GPR39: variants seen among roughly 807,000 people sequenced by gnomAD.
The protein encoded by GPR39 is G protein-coupled receptor 39.
Under a neutral mutation model 18.4 loss-of-function variants are expected in GPR39, and 23 were observed. That is an observed-to-expected ratio of 1.25 (90% CI 0.90 to 1.77). The LOEUF (loss-of-function observed/expected upper bound fraction) is 1.77, where lower values mean the gene tolerates loss of function less well. Ranked by LOEUF, GPR39 falls within the 40% of genes most tolerant of loss-of-function variation. The probability of loss-of-function intolerance (pLI) is 0.00; values close to 1 mark genes in which losing one functional copy is unlikely to be tolerated. For synonymous variants in GPR39, 280 were observed against 257.9 expected (o/e 1.09, Z -0.82); for missense variants, 647 against 602.4 (o/e 1.07, Z -0.78).
intron 1 of GPR39, among the ~76,000 whole-genome samples, chr2:132,619,859 A>T: frequency 1.1e-5 from 1 of 91,852 alleles, no homozygotes; most frequent in South Asian, 2.7e-4. Context: ...ACACACACAG[A>T]CACACACACA....
chr2:132,616,241 G>A (rs2104855002), intron 1 of GPR39, among the ~76,000 whole-genome samples: 1 of 152,282 alleles, frequency 6.6e-6, no homozygotes, highest in South Asian at 2.1e-4. Flanking sequence ...TTGCAGATGA[G>A]CAAACCTGGG....
At chr2:132,502,808 A>G (rs1679071540) in intron 1 of GPR39, among the ~76,000 whole-genome samples, 1 of 152,194 alleles carries the variant, frequency 6.6e-6, no homozygotes, top group African/African-American at 2.4e-5. Flanking sequence ...TTAATTCAAA[A>G]GCCTTGTCTT....
intron 1 of GPR39, among the ~76,000 whole-genome samples, chr2:132,548,261 G>A (rs1394611907): frequency 1.3e-5 from 2 of 152,136 alleles, no homozygotes; most frequent in African/African-American, 2.4e-5. Context: ...TCACAGCATT[G>A]TTTTTAGTTT....
chr2:132,539,483 A>G (rs903853564), intron 1 of GPR39, among the ~76,000 whole-genome samples: 9 of 152,164 alleles, frequency 5.9e-5, no homozygotes, highest in African/African-American at 1.9e-4. Context: ...AGAGCTGCTT[A>G]GCTGTTTCTA....
intron 1 of GPR39, among the ~76,000 whole-genome samples, chr2:132,626,929 A>T (rs1043037856): frequency 1.3e-5 from 2 of 152,188 alleles, no homozygotes; most frequent in African/African-American, 4.8e-5. Context: ...GGCTCAAACA[A>T]TATTAGAAAT....
chr2:132,528,902 T>C (rs6722223), intron 1 of GPR39, among the ~76,000 whole-genome samples: 66,685 of 151,976 alleles, frequency 0.44, 14,996 homozygotes, highest in East Asian at 0.75. Context: ...CCAAGATGAC[T>C]GAATAGGAAC....
At chr2:132,569,412 TG>T (rs1201182748) in intron 1 of GPR39, among the ~76,000 whole-genome samples, 2 of 152,096 alleles carry the variant, frequency 1.3e-5, no homozygotes, top group Non-Finnish European at 2.9e-5. Context: ...GATGGATGCG[TG>T]GAGCCCACAA....
chr2:132,467,087 T>C (rs1680940700), intron 1 of GPR39, among the ~76,000 whole-genome samples: 1 of 152,162 alleles, frequency 6.6e-6, no homozygotes, highest in African/African-American at 2.4e-5. Flanking sequence ...CAACAGCCAA[T>C]ATTATAAGAA....
intron 1 of GPR39, among the ~76,000 whole-genome samples, chr2:132,580,771 G>A (rs1055963821): frequency 6.6e-6 from 1 of 152,054 alleles, no homozygotes; most frequent in African/African-American, 2.4e-5. Context: ...AGAGCAGCCT[G>A]GTCAACTTGG....
At chr2:132,492,467 CAT>C (rs998488460) in intron 1 of GPR39, among the ~76,000 whole-genome samples, 34 of 130,488 alleles carry the variant, frequency 2.6e-4, no homozygotes, top group African/African-American at 9.7e-4. Context: ...CCATATATAC[CAT>C]ATATATACAC....
intron 1 of GPR39, among the ~76,000 whole-genome samples, chr2:132,438,453 C>A (rs534026890): frequency 1.3e-5 from 2 of 152,178 alleles, no homozygotes; most frequent in South Asian, 2.1e-4. Context: ...GTTTGACATG[C>A]CCTGCTGGCT....
chr2:132,429,915 A>C (rs897101272), intron 1 of GPR39, among the ~76,000 whole-genome samples: 2 of 152,260 alleles, frequency 1.3e-5, no homozygotes, highest in Admixed American at 1.3e-4. Flanking sequence ...AGAAGGTAGC[A>C]GTGATGAATT....
At chr2:132,427,248 T>C (rs1384255886) in intron 1 of GPR39, among the ~76,000 whole-genome samples, 1 of 146,498 alleles carries the variant, frequency 6.8e-6, no homozygotes, top group African/African-American at 2.5e-5. Context: ...CACTGCAAGC[T>C]CTGCCTCCCA....
At chr2:132,453,735 G>A (rs1370628456) in intron 1 of GPR39, among the ~76,000 whole-genome samples, 1 of 152,122 alleles carries the variant, frequency 6.6e-6, no homozygotes, top group East Asian at 1.9e-4. Context: ...ATTAAATAGG[G>A]ATGCCCTTTC....
intron 1 of GPR39, among the ~76,000 whole-genome samples, chr2:132,640,519 A>G (rs1215014942): frequency 1.2e-4 from 18 of 152,248 alleles, no homozygotes; most frequent in Non-Finnish European, 2.6e-4. Context: ...CAGTTAAAAC[A>G]GTTTACCTGC....
At chr2:132,454,691 T>A (rs767387109) in intron 1 of GPR39, among the ~76,000 whole-genome samples, 33 of 152,124 alleles carry the variant, frequency 2.2e-4, no homozygotes, top group Non-Finnish European at 3.5e-4. Context: ...TTTAGCATGA[T>A]GGGTTGTTGA....
intron 1 of GPR39, among the ~76,000 whole-genome samples, chr2:132,426,824 C>T (rs1016189662): frequency 6.6e-6 from 1 of 152,000 alleles, no homozygotes; most frequent in Non-Finnish European, 1.5e-5. Flanking sequence ...ACAGACAGAT[C>T]GGGAGGCAAG....
intron 1 of GPR39, among the ~76,000 whole-genome samples, chr2:132,477,709 A>G (rs998013951): frequency 6.6e-6 from 1 of 152,230 alleles, no homozygotes; most frequent in South Asian, 2.1e-4. Flanking sequence ...AACAGAGACC[A>G]TATGGCCTTT....
intron 1 of GPR39, among the ~76,000 whole-genome samples, chr2:132,453,158 T>C (rs759232596): frequency 6.6e-6 from 1 of 152,346 alleles, no homozygotes; most frequent in Non-Finnish European, 1.5e-5. Flanking sequence ...TCCTGACTTT[T>C]TAATGATTGA....
Sources: gnomAD v4.1 joint callset for allele counts (sites outside exome capture counted in the v4.1 genomes callset) on GRCh38, gnomAD v4.1.1 for gene constraint, MANE v1.5 for transcripts, NCBI Gene and HGNC (gene_info 2026-07-23, HGNC 2026-07-21) for gene names.